The following TNK2 variants were observed in gnomAD, a reference collection of about 807,000 sequenced individuals.
TNK2 encodes activated CDC42 kinase 1.
TNK2 carries 83 observed loss-of-function variants against 101.8 expected under a neutral mutation model. The observed-to-expected ratio is 0.82, with a 90% CI of 0.68 to 0.98. TNK2 has a LOEUF of 0.98. Among genes scored for constraint, TNK2 ranks in the 50% least tolerant of loss-of-function variants. TNK2 has a pLI of 0.00. For missense variants in TNK2, 1,665 were observed against 1,483.2 expected (o/e 1.12, Z -2.01); for synonymous variants, 804 against 633.0 (o/e 1.27, Z -4.06).
intron 15 of TNK2, among the ~76,000 whole-genome samples, chr3:195,865,941 G>A (rs1283973758): frequency 1.3e-5 from 2 of 152,206 alleles, no homozygotes; most frequent in Non-Finnish European, 2.9e-5. Context: ...CGTGCACAGG[G>A]CCACGCTGCT....
intron 2 of TNK2, 65 bp from the exon 3 acceptor site, chr3:195,887,112 G>A (rs937521555): frequency 1.3e-5 from 21 of 1,561,798 alleles, no homozygotes; most frequent in Non-Finnish European, 1.8e-5. Flanking sequence ...GCTGCTGCCT[G>A]TGGTCCCCTT....
At chr3:195,883,985 C>A (rs1427877347) in intron 4 of TNK2, 1 of 152,558 alleles carries the variant, frequency 6.6e-6, no homozygotes, top group African/African-American at 2.4e-5. Flanking sequence ...GAAGGACGCA[C>A]TGAGTGGACG....
At chr3:195,873,110 G>A (rs1216566579) in intron 9 of TNK2, among the ~76,000 whole-genome samples, 4 of 152,138 alleles carry the variant, frequency 2.6e-5, no homozygotes, top group Admixed American at 6.5e-5. Context: ...ACCACCTCCC[G>A]GAAGGCCTGC....
At chr3:195,865,569 C>A (rs1239166396) in intron 15 of TNK2, among the ~76,000 whole-genome samples, 1 of 144,594 alleles carries the variant, frequency 6.9e-6, no homozygotes, top group African/African-American at 2.6e-5. Flanking sequence ...GTAAGAACCA[C>A]CCGAGACAGT....
intron 10 of TNK2, among the ~76,000 whole-genome samples, chr3:195,871,967 C>G (rs907022840): frequency 6.6e-6 from 1 of 151,038 alleles, no homozygotes. Flanking sequence ...AGAACCCTCC[C>G]CTGGAGAACC....
intron 11 of TNK2, chr3:195,869,817 G>C (rs555877784): frequency 1.2e-5 from 7 of 577,450 alleles, no homozygotes; most frequent in African/African-American, 9.3e-5. Context: ...AGGAGAGCAG[G>C]ATTAGGGGGA....
chr3:195,904,850 C>T (rs928313767), intron 1 of TNK2, among the ~76,000 whole-genome samples: 1 of 152,108 alleles, frequency 6.6e-6, no homozygotes, highest in Non-Finnish European at 1.5e-5. Flanking sequence ...AGATAGTAAA[C>T]AAAACCTAGA....
In TNK2 at chr3:195,869,561, G is replaced by C; in HGVS notation, c.1544-20C>G. The C allele has an allele frequency of 1.3e-6, 2 of 1,551,222 alleles. No homozygotes were observed. Among genetic ancestry groups the C allele is most frequent in the Non-Finnish European group, 1.7e-6 (2 of 1,146,884 alleles). ...GCTCCCCTGCAAGAAAGGCCATGCGGACAGGGGGAGAGAGACGGAGCAGGA... is the reference window on the plus strand; with the variant it reads ...GCTCCCCTGCAAGAAAGGCCATGCGCACAGGGGGAGAGAGACGGAGCAGGA... On this transcript the variant is annotated intron_variant, in intron 11 of 15. Coordinates refer to ENST00000672887, the MANE Select transcript of TNK2 (RefSeq NM_001382273.1).
chr3:195,895,042 G>A (rs1760040905), intron 1 of TNK2, among the ~76,000 whole-genome samples: 1 of 152,120 alleles, frequency 6.6e-6, no homozygotes, highest in African/African-American at 2.4e-5. Context: ...GGTCCCAGGG[G>A]ATCCATGCAC....
intron 9 of TNK2, among the ~76,000 whole-genome samples, chr3:195,873,836 G>C (rs529374608): frequency 6.6e-6 from 1 of 152,110 alleles, no homozygotes; most frequent in African/African-American, 2.4e-5. Flanking sequence ...GGGGGCGCGG[G>C]GCGCGGGGAG....
In TNK2 at chr3:195,882,106, G is replaced by A; in HGVS notation, c.832C>T (p.Pro278Ser). 6 of 1,613,784 alleles carry A rather than the reference G, an allele frequency of 3.7e-6. No homozygotes were observed. The highest frequency in any genetic ancestry group is 5.1e-6 in the Non-Finnish European group (6 of 1,180,004). ...ATGACGTAATGGTCGTCATTCTGAGGTAGTGCTCGCATCAGCCCAAAGTCC... is the reference window on the plus strand; with the variant it reads ...ATGACGTAATGGTCGTCATTCTGAGATAGTGCTCGCATCAGCCCAAAGTCC... ...IGDFGLMRAL[P>S]QNDDHYVMQE... The change falls in exon 6 of 16, where the codon CCT (proline) becomes TCT (serine). Residue 278 changes from proline to serine, a missense_variant. By Grantham distance (74) the Pro-to-Ser change is moderately conservative. Transcript: ENST00000672887. This position sits in a 1 kb window ranked among gnomAD's most constrained non-coding sequence, Gnocchi z 4.2.
In TNK2 at chr3:195,869,553, G is replaced by A; in HGVS notation, c.1544-12C>T. The A allele has an allele frequency of 1.3e-6, 2 of 1,551,242 alleles. No individual in the cohort carries two copies. The highest frequency in any genetic ancestry group is 1.7e-6 in the Non-Finnish European group (2 of 1,146,936). On this transcript the variant is annotated splice_polypyrimidine_tract_variant and intron_variant, in intron 11 of 15. Transcript: ENST00000672887. ...AGGTGGAGGCTCCCCTGCAAGAAAG[G>A]CCATGCGGACAGGGGGAGAGAGACG...
At chr3:195,875,892 C>T (rs983533407) in intron 9 of TNK2, among the ~76,000 whole-genome samples, 1 of 152,196 alleles carries the variant, frequency 6.6e-6, no homozygotes, top group Non-Finnish European at 1.5e-5. Flanking sequence ...TAAGGCTGCC[C>T]CAGCTCTGGA....
chr3:195,871,219 G>A (rs1408940260), intron 10 of TNK2, among the ~76,000 whole-genome samples: 3 of 152,094 alleles, frequency 2.0e-5, no homozygotes, highest in Admixed American at 6.5e-5. Context: ...GTGGCATCCC[G>A]GAAGTGACTG....
chr3:195,864,664 T>C (rs1420133884), intron 15 of TNK2, among the ~76,000 whole-genome samples: 7 of 120,088 alleles, frequency 5.8e-5, no homozygotes, highest in East Asian at 2.6e-4. Flanking sequence ...CCTGAGACAG[T>C]GACAGACAGG....
rs566429569 is a variant in TNK2 at position 195,888,351 on chromosome 3, G to A, written c.163+75C>T. The stretch of plus-strand genomic sequence containing the variant: ...GGGACAGAGTTCTCAGCTGCCACCC[G>A]TGCACCGAGTGGTCCTGAGGACAGA... On this transcript the variant is annotated intron_variant, in intron 2 of 15. Transcript: ENST00000672887. This position sits in a 1 kb window ranked among gnomAD's most constrained non-coding sequence, Gnocchi z 5.3. 7.6e-5 allele frequency: 115 copies of A among 1,514,262 alleles called. No individual in the cohort carries two copies. The highest frequency in any genetic ancestry group is 4.2e-4 in the South Asian group (34 of 81,438). 93.8% of individuals were successfully genotyped at this position (1,514,262 alleles called of 1,614,324 possible).
At chr3:195,908,050 T>C (rs1761924480) in intron 1 of TNK2, 1 of 152,456 alleles carries the variant, frequency 6.6e-6, no homozygotes, top group Non-Finnish European at 1.5e-5. Context: ...GGTTACAAGA[T>C]AAGGTTCTGT....
intron 14 of TNK2, 27 bp downstream of exon 14, chr3:195,867,142 G>A (rs1201714778): frequency 1.2e-6 from 2 of 1,611,270 alleles, no homozygotes; most frequent in Non-Finnish European, 1.7e-6. Context: ...GTCCCTGAGA[G>A]CCAGAGTGAG....
intron 1 of TNK2, among the ~76,000 whole-genome samples, chr3:195,899,537 G>A (rs942918588): frequency 3.3e-5 from 5 of 152,088 alleles, no homozygotes; most frequent in African/African-American, 1.2e-4. Context: ...TCACCCTGTT[G>A]GCCAGGATGG....
Sources: gnomAD v4.1 joint callset for allele counts (sites outside exome capture counted in the v4.1 genomes callset) on GRCh38, gnomAD v4.1.1 for gene constraint, Gnocchi (gnomAD v3.1) non-coding constraint, MANE v1.5 for transcripts, NCBI Gene and HGNC (gene_info 2026-07-23, HGNC 2026-07-21) for gene names.